CSF2RB: variants seen among roughly 807,000 people sequenced by gnomAD.
CSF2RB encodes the protein cytokine receptor common subunit beta.
CSF2RB carries 22 observed loss-of-function variants against 67.2 expected under a neutral mutation model. That is an observed-to-expected ratio of 0.33 (90% CI 0.23 to 0.47). The LOEUF (loss-of-function observed/expected upper bound fraction) is 0.47, where lower values mean the gene tolerates loss of function less well. Ranked by LOEUF, CSF2RB falls within the 20% of genes least tolerant of loss-of-function variation. The pLI, the probability that CSF2RB is intolerant of heterozygous loss-of-function variation, is 1.00. For synonymous variants in CSF2RB, 507 were observed against 482.9 expected, an observed-to-expected ratio of 1.05 and a Z score of -0.65; for missense variants, 1,113 against 1,174.5, an observed-to-expected ratio of 0.95 and a Z score of 0.76.
At position 36,922,059 on chromosome 22, in the gene CSF2RB, A is replaced by G; in HGVS notation, c.-149A>G. 1 of 687,808 alleles carries G rather than the reference A, an allele frequency of 1.5e-6. No individual in the cohort carries two copies. Among genetic ancestry groups the G allele is most frequent in the Non-Finnish European group, 2.6e-6 (1 of 388,486 alleles). The allele number at this position is 687,808 out of a possible 1,614,324, so 42.6% of individuals were successfully genotyped here. On this transcript the variant is annotated 5_prime_UTR_variant, in exon 2 of 14. Transcript: ENST00000403662. ...AGGCCTGGAGGAGGCAGAGGCCAGG[A>G]GGGAGAGGTCCCAAGAGCCTGTGAA... is the stretch of plus-strand genomic sequence containing the variant.
In CSF2RB at chr22:36,938,591, G is replaced by A; in HGVS notation, c.*89G>A. The A allele has an allele frequency of 2.1e-6, 3 of 1,405,910 alleles. No homozygotes were observed. Among genetic ancestry groups the A allele is most frequent in the Non-Finnish European group, 2.9e-6 (3 of 1,044,754 alleles). The allele number at this position is 1,405,910 out of a possible 1,614,324, so 87.1% of individuals were successfully genotyped here. A position where few individuals can be genotyped will look rare whatever the true frequency, so the allele number is the denominator to read the frequency against. ...CTCAGTCATTTCTGCAAAGCCAAGG[G>A]GCAGCCTCCTGTCAAGGTAGCTAGA... is the stretch of plus-strand genomic sequence containing the variant. On this transcript the variant is annotated 3_prime_UTR_variant, in exon 14 of 14. Coordinates refer to ENST00000403662, the MANE Select transcript of CSF2RB (RefSeq NM_000395.3).
chr22:36,922,693 G>T, intron 2 of CSF2RB: 1 of 335,054 alleles, frequency 3.0e-6, no homozygotes. Flanking sequence ...CCCTCCTTGT[G>T]CCTGAAGCCC....
In CSF2RB at chr22:36,938,232, A is replaced by G; in HGVS notation, c.2424A>G (p.Pro808=). 5 of 1,614,110 alleles carry G rather than the reference A, an allele frequency of 3.1e-6. No homozygotes were observed. The highest frequency in any genetic ancestry group is 1.1e-5 in the South Asian group (1 of 91,078). The stretch of plus-strand genomic sequence containing the variant: ...CGGCAGATGTGTCCCCAACATCCCC[A>G]CAGCCCGAGGGCCTCCTTGTCCTGC... ...ERPADVSPTS[P]QPEGLLVLQQ... The change falls in exon 14 of 14, where the codon CCA becomes CCG. Residue 808 remains proline, a synonymous_variant. Transcript: ENST00000403662.
chr22:36,928,737 C>T (rs1041179676), intron 4 of CSF2RB, among the ~76,000 whole-genome samples: 2 of 152,110 alleles, frequency 1.3e-5, no homozygotes, highest in African/African-American at 2.4e-5. Flanking sequence ...TTCACCTTGC[C>T]CCATAATTCA....
At position 36,929,185 on chromosome 22, in the gene CSF2RB, C is replaced by T. The variant is rs115081583; in HGVS notation, c.392-217C>T. 9.1e-3 allele frequency among the ~76,000 whole-genome samples: 1,388 copies of T among 152,346 alleles called. 23 individuals are homozygous for T. The highest frequency in any genetic ancestry group is 0.064 in the South Asian group (309 of 4,830). On this transcript the variant is annotated intron_variant, in intron 4 of 13. Transcript: ENST00000403662. ...TGGAGTTCGGGTCACGTGCGCATTG[C>T]AATCTGCACGGCTTTCCATTGCTTT... is the stretch of plus-strand genomic sequence containing the variant.
rs1464457701 is a variant in CSF2RB at position 36,939,116 on chromosome 22, G to A, written c.*614G>A. On this transcript the variant is annotated 3_prime_UTR_variant, in exon 14 of 14. Coordinates refer to ENST00000403662, the MANE Select transcript of CSF2RB (RefSeq NM_000395.3). ...CCTCGATTGTCACTCCGAGAAATGG[G>A]CATGGTATTGGGGGTCGGGGGGGCG... 1.6e-5 allele frequency: 11 copies of A among 702,108 alleles called. No homozygotes were observed. Among genetic ancestry groups the A allele is most frequent in the Non-Finnish European group, 2.9e-5 (11 of 384,728 alleles). 43.5% of individuals were successfully genotyped at this position (702,108 alleles called of 1,614,324 possible).
chr22:36,923,172 A>G, intron 2 of CSF2RB, 72 bp from the exon 3 acceptor site: 2 of 1,612,304 alleles, frequency 1.2e-6, no homozygotes, highest in Non-Finnish European at 1.7e-6. Flanking sequence ...GACATCCCAA[A>G]GCAGCTGGGG....
At position 36,938,538 on chromosome 22, in the gene CSF2RB, G is replaced by C. The variant is rs758091180; in HGVS notation, c.*36G>C. ...CCTAGACAGGCAAGGGGATGGAGAG[G>C]GCTTGCCTTCCCTCCCGCCTGACCT... On this transcript the variant is annotated 3_prime_UTR_variant, in exon 14 of 14. Coordinates refer to ENST00000403662, the MANE Select transcript of CSF2RB (RefSeq NM_000395.3). 18 of 1,577,684 alleles carry C rather than the reference G, an allele frequency of 1.1e-5. No homozygotes were observed. Among genetic ancestry groups the C allele is most frequent in the Non-Finnish European group, 1.4e-5 (16 of 1,160,368 alleles).
At position 36,938,610 on chromosome 22, in the gene CSF2RB, A is replaced by T; in HGVS notation, c.*108A>T. On this transcript the variant is annotated 3_prime_UTR_variant, in exon 14 of 14. Coordinates refer to ENST00000403662, the MANE Select transcript of CSF2RB (RefSeq NM_000395.3). ...CCAAGGGGCAGCCTCCTGTCAAGGTAGCTAGAGGCCTGGGAAAGGAGATAG... is the reference window on the plus strand; with the variant it reads ...CCAAGGGGCAGCCTCCTGTCAAGGTTGCTAGAGGCCTGGGAAAGGAGATAG... 3 of 1,242,300 alleles carry T rather than the reference A, an allele frequency of 2.4e-6. No individual in the cohort carries two copies. The highest frequency in any genetic ancestry group is 3.0e-5 in the South Asian group (2 of 65,760). 77.0% of individuals were successfully genotyped at this position (1,242,300 alleles called of 1,614,324 possible). A position where few individuals can be genotyped will look rare whatever the true frequency, so the allele number is the denominator to read the frequency against.
rs776833190 is a variant in CSF2RB at position 36,939,260 on chromosome 22, C to T, written c.*758C>T. 38 of 702,080 alleles carry T rather than the reference C, an allele frequency of 5.4e-5. No homozygotes were observed. The highest frequency in any genetic ancestry group is 8.1e-5 in the Non-Finnish European group (31 of 384,808). The allele number at this position is 702,080 out of a possible 1,614,324, so 43.5% of individuals were successfully genotyped here. ...ACCCCACGTCATGTAGAGAAGTTAA[C>T]GGCCCAAGTGGTGGGCAGGCTGGCG... On this transcript the variant is annotated 3_prime_UTR_variant, in exon 14 of 14. Coordinates refer to ENST00000403662, the MANE Select transcript of CSF2RB (RefSeq NM_000395.3).
Position 36,922,043 on chromosome 22 carries a change from GGAGGCA to G in CSF2RB, c.-159_-154del. 1 of 643,888 alleles carries G rather than the reference GGAGGCA, an allele frequency of 1.6e-6. No homozygotes were observed. Among genetic ancestry groups the G allele is most frequent in the Non-Finnish European group, 2.8e-6 (1 of 356,886 alleles). 39.9% of individuals were successfully genotyped at this position (643,888 alleles called of 1,614,324 possible). A position where few individuals can be genotyped will look rare whatever the true frequency, so the allele number is the denominator to read the frequency against. On this transcript the variant is annotated 5_prime_UTR_variant, in exon 2 of 14. Transcript: ENST00000403662. ...TGACATCTCCTTCTGCAGGCCTGGA[GGAGGCA>G]GAGGCCAGGAGGGAGAGGTCCCAAG... is the stretch of plus-strand genomic sequence containing the variant.
At chr22:36,924,316 T>C in intron 3 of CSF2RB, among the ~76,000 whole-genome samples, 1 of 136,508 alleles carries the variant, frequency 7.3e-6, no homozygotes, top group Non-Finnish European at 1.5e-5. Context: ...GGACCAGGGC[T>C]CCTGTCTGAG....
chr22:36,916,731 C>T (rs1380970157), intron 1 of CSF2RB, among the ~76,000 whole-genome samples: 2 of 152,062 alleles, frequency 1.3e-5, no homozygotes, highest in Non-Finnish European at 2.9e-5. Flanking sequence ...TGGTGGTGTG[C>T]ACCTGTAATC....
chr22:36,915,646 A>G (rs886184282), intron 1 of CSF2RB, among the ~76,000 whole-genome samples: 3 of 152,178 alleles, frequency 2.0e-5, no homozygotes, highest in African/African-American at 7.2e-5. Context: ...TGTAGCCTAA[A>G]TTACTAAATG....
intron 3 of CSF2RB, chr22:36,923,900 C>T: frequency 1.4e-6 from 1 of 726,734 alleles, no homozygotes; most frequent in South Asian, 1.6e-5. Flanking sequence ...CCGCGCTCTC[C>T]CAGGCCCCCC....
chr22:36,935,151 A>G (rs1941239873), intron 10 of CSF2RB, among the ~76,000 whole-genome samples, 200 bp from the exon 11 acceptor site: 1 of 152,006 alleles, frequency 6.6e-6, no homozygotes, highest in African/African-American at 2.4e-5. Flanking sequence ...AGCACTTTGA[A>G]CACTGTGGGG....
At chr22:36,934,426 C>G (rs115778821) in intron 10 of CSF2RB, among the ~76,000 whole-genome samples, 126 of 152,306 alleles carry the variant, frequency 8.3e-4, no homozygotes, top group African/African-American at 2.9e-3. Context: ...CTTGAGGGAG[C>G]AGAGGAGAGC....
intron 1 of CSF2RB, among the ~76,000 whole-genome samples, chr22:36,915,422 T>TGA (rs1555921176): frequency 1.4e-5 from 2 of 146,368 alleles, no homozygotes; most frequent in Non-Finnish European, 3.0e-5. Context: ...ATTATTTTAT[T>TGA]TATATATATA....
At chr22:36,936,151 G>A (rs1188655464) in intron 12 of CSF2RB, among the ~76,000 whole-genome samples, 1 of 152,114 alleles carries the variant, frequency 6.6e-6, no homozygotes. Context: ...CAGGAGGCTG[G>A]GGGCCATGTT....
Sources: allele counts gnomAD v4.1 joint callset (sites outside exome capture counted in the v4.1 genomes callset), GRCh38; gene constraint gnomAD v4.1.1; transcripts MANE v1.5; gene names NCBI Gene and HGNC (gene_info 2026-07-23, HGNC 2026-07-21).